Variants in FREM1 observed in about 807,000 individuals in gnomAD.
FREM1 encodes FRAS1-related extracellular matrix protein 1.
A neutral mutation model predicts 210.1 loss-of-function variants in FREM1; 220 were observed. That is an observed-to-expected ratio of 1.05 (90% CI 0.94 to 1.17). The LOEUF is 1.17. FREM1 is among the 50% of genes most tolerant of loss of function. The pLI is 0.00. For synonymous variants in FREM1, 1,189 were observed against 980.2 expected (o/e 1.21, Z -3.98); for missense variants, 3,454 against 2,675.5 (o/e 1.29, Z -6.42).
Position 14,796,344 on chromosome 9 carries a change from C to A in FREM1, c.3839+1154G>T, listed in dbSNP as rs983669752. 2.0e-5 allele frequency among the ~76,000 whole-genome samples: 3 copies of A among 152,126 alleles called. No individual in the cohort carries two copies. In the East Asian group the frequency reaches 5.8e-4, roughly 29 times the overall value. On this transcript the variant is annotated intron_variant, in intron 21 of 36. Transcript: ENST00000380880. Reference sequence around the variant, plus strand: ...AAGTCATCAAGGAGGTTCCAAGAACCAGATGCTTTTTTACTTATAGCTCTA... The same window carrying A: ...AAGTCATCAAGGAGGTTCCAAGAACAAGATGCTTTTTTACTTATAGCTCTA...
intron 14 of FREM1, among the ~76,000 whole-genome samples, chr9:14,818,406 T>G (rs963471628): frequency 2.6e-5 from 4 of 152,218 alleles, no homozygotes; most frequent in African/African-American, 9.6e-5. Context: ...TGTACAAATC[T>G]TAGTTTCTGG....
At chr9:14,746,855 C>T (rs1245550949) in intron 34 of FREM1, 68 bp downstream of exon 34, 6 of 1,522,444 alleles carry the variant, frequency 3.9e-6, no homozygotes, top group Non-Finnish European at 5.3e-6. Context: ...CCAGATGGTT[C>T]CCCTCTATTA....
chr9:14,827,451 G>T (rs1822688804), intron 10 of FREM1, among the ~76,000 whole-genome samples: 1 of 152,184 alleles, frequency 6.6e-6, no homozygotes, highest in East Asian at 1.9e-4. Context: ...CACGTTGCAT[G>T]GCTTTTCTTG....
intron 19 of FREM1, among the ~76,000 whole-genome samples, chr9:14,803,751 C>CA (rs958060789): frequency 1.3e-5 from 2 of 151,920 alleles, no homozygotes; most frequent in African/African-American, 4.8e-5. Flanking sequence ...CATGTGTTAA[C>CA]AAAAAAACAC....
In FREM1 at chr9:14,889,426, C is replaced by G. The variant is rs184884920; in HGVS notation, c.-267-20182G>C. Among the ~76,000 whole-genome samples, 17 of 152,278 alleles carry G rather than the reference C, an allele frequency of 1.1e-4. No individual in the cohort carries two copies. In the East Asian group the frequency reaches 3.3e-3, roughly 29 times the overall value. ...CCCTTTTATCTTAATGTCCCTTAGCCATTTGTGTGTTCTCTTCTAGGAATT... is the reference window on the plus strand; with the variant it reads ...CCCTTTTATCTTAATGTCCCTTAGCGATTTGTGTGTTCTCTTCTAGGAATT... On this transcript the variant is annotated intron_variant, in intron 1 of 36. Coordinates refer to ENST00000380880, the MANE Select transcript of FREM1 (RefSeq NM_001379081.2).
rs761348507 is a variant in FREM1, at chr9:14,808,010, C to T, written c.3018G>A (p.Ala1006=). The part of the protein sequence containing the change: ...NGPNPSVPLH[A]SFPVYDLNIT... ...TGTTGAGATCATACACTGGAAAGGA[C>T]GCATGAAGTGGAACAGATGGATTGG... Residue 1006 remains alanine, a synonymous_variant, in exon 17 of 37, where the codon GCG becomes GCA. Coordinates refer to ENST00000380880, the MANE Select transcript of FREM1 (RefSeq NM_001379081.2). The T allele has an allele frequency of 2.4e-5, 39 of 1,613,574 alleles. No homozygotes were observed. Among genetic ancestry groups the T allele is most frequent in the East Asian group, 4.5e-5 (2 of 44,884 alleles).
In FREM1 at chr9:14,848,666, T is replaced by G; in HGVS notation, c.1260A>C (p.Thr420=). The G allele has an allele frequency of 6.3e-7, 1 of 1,577,334 alleles. No individual in the cohort carries two copies. Among genetic ancestry groups the G allele is most frequent in the Non-Finnish European group, 8.7e-7 (1 of 1,147,050 alleles). ...TCTATGCCTTATATTGAGCTTTACC[T>G]GTATTCCAGGATACACGGGGGGCAT... ...DTNAPRVSWN[T]GLSLLEGQSR... The change falls in exon 7 of 37, where the codon ACA becomes ACC. Residue 420 remains threonine, a splice_region_variant and synonymous_variant. Transcript: ENST00000380880.
At chr9:14,817,700 G>A (rs183064258) in intron 14 of FREM1, among the ~76,000 whole-genome samples, 1 of 152,154 alleles carries the variant, frequency 6.6e-6, no homozygotes, top group African/African-American at 2.4e-5. Flanking sequence ...TTAACTATGG[G>A]GAAAAAGTCA....
At chr9:14,845,750 A>T (rs1450505292) in intron 8 of FREM1, among the ~76,000 whole-genome samples, 5 of 152,228 alleles carry the variant, frequency 3.3e-5, no homozygotes. Context: ...ACAATGAGCC[A>T]CGTACAAGGT....
At chr9:14,833,583 T>C (rs1823984604) in intron 10 of FREM1, among the ~76,000 whole-genome samples, 1 of 152,230 alleles carries the variant, frequency 6.6e-6, no homozygotes, top group African/African-American at 2.4e-5. Context: ...TTAAGGCTCA[T>C]TGATTTCATC....
chr9:14,795,466 T>A (rs1016577867), intron 21 of FREM1, among the ~76,000 whole-genome samples: 4 of 152,062 alleles, frequency 2.6e-5, no homozygotes, highest in African/African-American at 4.8e-5. Flanking sequence ...GAAAAAATAA[T>A]GGAGCAGTTT....
intron 1 of FREM1, among the ~76,000 whole-genome samples, chr9:14,905,904 GA>G (rs35772565): frequency 0.5 from 73,897 of 148,680 alleles, 19,214 homozygotes; most frequent in Non-Finnish European, 0.6. Flanking sequence ...TTTAAAAAAA[GA>G]AAAAAAAAAA....
Position 14,842,507 on chromosome 9 carries a change from G to T in FREM1, c.1547C>A (p.Pro516His), listed in dbSNP as rs758858948. 1.9e-6 allele frequency: 3 copies of T among 1,613,898 alleles called. No individual in the cohort carries two copies. The highest frequency in any genetic ancestry group is 2.5e-6 in the Non-Finnish European group (3 of 1,179,908). ...GAGGAACGGGGGACTATCATCTTTG[G>T]GCAAGACGTTGATGGGGAATTTGTG... The part of the protein sequence containing the change: ...IRHKFPINVL[P>H]KDDSPPFLIT... The change falls in exon 9 of 37, where the codon CCC (proline) becomes CAC (histidine). Residue 516 changes from proline (P) to histidine (H), a missense_variant. Coordinates refer to ENST00000380880, the MANE Select transcript of FREM1 (RefSeq NM_001379081.2).
At chr9:14,835,866 T>A (rs1291791124) in intron 10 of FREM1, among the ~76,000 whole-genome samples, 1 of 152,250 alleles carries the variant, frequency 6.6e-6, no homozygotes, top group Non-Finnish European at 1.5e-5. Context: ...AAACTTATCA[T>A]ACATTTGTCA....
chr9:14,804,816 T>C lies in FREM1; in HGVS notation c.3471+140A>G. 1.0e-5 allele frequency: 6 copies of C among 578,372 alleles called. No homozygotes were observed. In the South Asian group the frequency reaches 1.6e-4, roughly 16 times the overall value. The allele number at this position is 578,372 out of a possible 1,614,324, so 35.8% of individuals were successfully genotyped here. A position where few individuals can be genotyped will look rare whatever the true frequency, so the allele number is the denominator to read the frequency against. On this transcript the variant is annotated intron_variant, in intron 19 of 36. Transcript: ENST00000380880. ...GGCAGGAAGATTAATAATTTTCAAA[T>C]GATTGCATTACATAACATAGCCTTC... is the stretch of plus-strand genomic sequence containing the variant.
rs767951850 is a variant in FREM1, at chr9:14,748,521, C to T, written c.5676G>A (p.Leu1892=). 1 of 1,613,796 alleles carries T rather than the reference C, an allele frequency of 6.2e-7. No individual in the cohort carries two copies. Among genetic ancestry groups the T allele is most frequent in the Non-Finnish European group, 8.5e-7 (1 of 1,179,780 alleles). ...SSSTTSGSFH[L]ERRPLPSSMQ... ...TGGAAGATGGAAGAGGTCTTCTTTC[C>T]AGATGAAAGGAACCAGAAGTGGTGG... Residue 1892 remains leucine, a synonymous_variant, in exon 31 of 37, where the codon CTG becomes CTA. Coordinates refer to ENST00000380880, the MANE Select transcript of FREM1 (RefSeq NM_001379081.2).
rs535021484 is a variant in FREM1, at chr9:14,880,374, C to T, written c.-267-11130G>A. On this transcript the variant is annotated intron_variant, in intron 1 of 36. Transcript: ENST00000380880. Reference sequence around the variant, plus strand: ...ATCCCAGCACTTTGGGAAGCCGAGGCGGGTGGATCACCTGAAGTCAGGAGT... The same window carrying T: ...ATCCCAGCACTTTGGGAAGCCGAGGTGGGTGGATCACCTGAAGTCAGGAGT... 2.3e-4 allele frequency among the ~76,000 whole-genome samples: 35 copies of T among 152,124 alleles called. No individual in the cohort carries two copies. In the South Asian group the frequency reaches 2.9e-3, roughly 13 times the overall value.
chr9:14,873,661 AT>A (rs1833149988), intron 1 of FREM1, among the ~76,000 whole-genome samples: 2 of 151,834 alleles, frequency 1.3e-5, no homozygotes, highest in African/African-American at 4.8e-5. Context: ...TTGTGTCTCT[AT>A]TTCCTTCAGT....
intron 10 of FREM1, among the ~76,000 whole-genome samples, chr9:14,833,669 G>T (rs1823995421): frequency 6.6e-6 from 1 of 152,118 alleles, no homozygotes; most frequent in Non-Finnish European, 1.5e-5. Context: ...AAGTAACAAG[G>T]GATTTAAAAG....
Sources: gnomAD v4.1 joint callset for allele counts (sites outside exome capture counted in the v4.1 genomes callset) on GRCh38, gnomAD v4.1.1 for gene constraint, MANE v1.5 for transcripts, NCBI Gene and HGNC (gene_info 2026-07-23, HGNC 2026-07-21) for gene names.